Variants in PTPRN2 observed in about 807,000 individuals in gnomAD.
PTPRN2 encodes receptor-type tyrosine-protein phosphatase N2.
In PTPRN2, 74 loss-of-function variants were observed where a neutral mutation model predicts 118.8. That is an observed-to-expected ratio of 0.62 (90% CI 0.52 to 0.76). PTPRN2 has a LOEUF of 0.76. Ranked by LOEUF, PTPRN2 falls within the 30% of genes least tolerant of loss-of-function variation. The pLI is 0.00. For missense variants in PTPRN2, 1,481 were observed against 1,394.4 expected (o/e 1.06, Z -0.99); for synonymous variants, 641 against 608.0 (o/e 1.05, Z -0.80).
chr7:158,171,206 TATATATACACAC>T (rs1380060876), intron 5 of PTPRN2, among the ~76,000 whole-genome samples: 19 of 83,984 alleles, frequency 2.3e-4, no homozygotes, highest in South Asian at 7.5e-4. Flanking sequence ...ATATATACAC[TATATATACACAC>T]ATATATACAC....
At chr7:157,878,300 C>T (rs1223697234) in intron 12 of PTPRN2, among the ~76,000 whole-genome samples, 1 of 151,660 alleles carries the variant, frequency 6.6e-6, no homozygotes, top group Non-Finnish European at 1.5e-5. Flanking sequence ...TGCACCCACA[C>T]TTACTCACCG....
At chr7:157,584,771 G>A (rs1209519472) in intron 17 of PTPRN2, among the ~76,000 whole-genome samples, 1 of 152,252 alleles carries the variant, frequency 6.6e-6, no homozygotes, top group East Asian at 1.9e-4. Flanking sequence ...GCTCACCGAT[G>A]CCTGGAAGTT....
At chr7:157,857,101 G>A (rs954087122) in intron 12 of PTPRN2, among the ~76,000 whole-genome samples, 10 of 150,634 alleles carry the variant, frequency 6.6e-5, no homozygotes, top group South Asian at 2.1e-4. Context: ...CATGGCCATC[G>A]GCATTGCTGG....
chr7:157,759,627 G>A (rs147463918), intron 12 of PTPRN2, among the ~76,000 whole-genome samples: 1,731 of 152,330 alleles, frequency 0.011, 16 homozygotes, highest in Middle Eastern at 0.034. Context: ...TGTCCGGGGC[G>A]GCCTGGCTTT....
chr7:157,872,244 C>CACACCCATACCCAGTGTCCTCCCCAT (rs1811119101), intron 12 of PTPRN2, among the ~76,000 whole-genome samples: 1 of 146,814 alleles, frequency 6.8e-6, no homozygotes, highest in Admixed American at 6.8e-5. Context: ...GTCCTCCCCA[C>CACACCCATACCCAGTGTCCTCCCCAT]ACACACATAT....
intron 12 of PTPRN2, among the ~76,000 whole-genome samples, chr7:157,770,527 A>C (rs866292282): frequency 2.0e-5 from 3 of 152,204 alleles, no homozygotes; most frequent in Non-Finnish European, 4.4e-5. Flanking sequence ...TTTCATTTTC[A>C]TTCAATGGTA....
At chr7:157,582,719 CA>C (rs2150537290) in intron 17 of PTPRN2, among the ~76,000 whole-genome samples, 1 of 151,924 alleles carries the variant, frequency 6.6e-6, no homozygotes, top group Admixed American at 6.6e-5. Flanking sequence ...ACTAAAAATA[CA>C]AAAATTAGCC....
intron 12 of PTPRN2, chr7:157,857,416 C>T (rs1173901427): frequency 2.0e-5 from 3 of 152,260 alleles, no homozygotes; most frequent in African/African-American, 7.2e-5. Flanking sequence ...TGCACAGGCT[C>T]TGCGCTCCTC....
intron 5 of PTPRN2, among the ~76,000 whole-genome samples, chr7:158,177,652 T>C (rs1585750820): frequency 6.6e-6 from 1 of 152,212 alleles, no homozygotes; most frequent in Non-Finnish European, 1.5e-5. Flanking sequence ...AGCTCCTCTT[T>C]TGTCTTTTGG....
At chr7:157,607,364 G>C (rs1802068821) in intron 15 of PTPRN2, among the ~76,000 whole-genome samples, 1 of 152,212 alleles carries the variant, frequency 6.6e-6, no homozygotes, top group South Asian at 2.1e-4. Context: ...ATAAAAGCAG[G>C]GGCTTCTGGC....
chr7:158,203,014 A>G (rs184234590), intron 4 of PTPRN2, among the ~76,000 whole-genome samples: 48 of 152,150 alleles, frequency 3.2e-4, no homozygotes, highest in Non-Finnish European at 5.9e-4. Flanking sequence ...TGGGCGGATC[A>G]TGAGGTCAGG....
At chr7:158,139,792 C>A (rs1355437615) in intron 6 of PTPRN2, among the ~76,000 whole-genome samples, 1 of 152,228 alleles carries the variant, frequency 6.6e-6, no homozygotes, top group East Asian at 1.9e-4. Context: ...GTATTTCATA[C>A]AATGTGCAGA....
At chr7:158,373,319 C>T (rs1180534177) in intron 2 of PTPRN2, among the ~76,000 whole-genome samples, 1 of 152,214 alleles carries the variant, frequency 6.6e-6, no homozygotes, top group Non-Finnish European at 1.5e-5. Flanking sequence ...CTATAATTTG[C>T]TCTTGCCTTT....
At chr7:157,720,041 G>A (rs556535502) in intron 12 of PTPRN2, among the ~76,000 whole-genome samples, 14 of 152,290 alleles carry the variant, frequency 9.2e-5, no homozygotes, top group Non-Finnish European at 1.8e-4. Flanking sequence ...GACTCCAATC[G>A]ACTGGAAAAT....
chr7:157,671,852 G>A lies in PTPRN2; in HGVS notation c.2001+10873C>T, dbSNP rs1168103321. Among the ~76,000 whole-genome samples the A allele has an allele frequency of 6.6e-6, 1 of 152,144 alleles. No homozygotes were observed. Among genetic ancestry groups the A allele is most frequent in the Non-Finnish European group, 1.5e-5 (1 of 68,024 alleles). ...AAGGCCAGGGTCTGGGGGCCTGCTG[G>A]GAATCCCGGTCTCAGAGGTCTCAGC... is the stretch of plus-strand genomic sequence containing the variant. On this transcript the variant is annotated intron_variant, in intron 13 of 22. Coordinates refer to ENST00000389418, the MANE Select transcript of PTPRN2 (RefSeq NM_002847.5). The surrounding 1 kb of genome is among the most constrained non-coding windows in gnomAD (Gnocchi z 4.1).
intron 2 of PTPRN2, among the ~76,000 whole-genome samples, chr7:158,422,500 G>A (rs1400398399): frequency 6.6e-6 from 1 of 152,196 alleles, no homozygotes; most frequent in Non-Finnish European, 1.5e-5. Context: ...CTCAAAGAAA[G>A]TAAAATAAAA....
rs992260186 is a variant in PTPRN2, at chr7:158,486,100, C to T, written c.163+3635G>A. On this transcript the variant is annotated intron_variant, in intron 2 of 22. Transcript: ENST00000389418. Reference sequence around the variant, plus strand: ...CACCACTGCAGAGAGCAGCTTTGTGCTTCAAGTTTTCTTTAGTATTTTGGG... The same window carrying T: ...CACCACTGCAGAGAGCAGCTTTGTGTTTCAAGTTTTCTTTAGTATTTTGGG... 8.9e-4 allele frequency among the ~76,000 whole-genome samples: 136 copies of T among 152,202 alleles called. 1 individual carries two copies. The highest frequency in any genetic ancestry group is 7.9e-4 in the Non-Finnish European group (54 of 68,044).
chr7:157,935,644 A>G (rs1799651338), intron 11 of PTPRN2, among the ~76,000 whole-genome samples: 1 of 152,228 alleles, frequency 6.6e-6, no homozygotes, highest in Non-Finnish European at 1.5e-5. Flanking sequence ...TATGGGTCCT[A>G]ATGTCCTGTT....
At chr7:158,294,556 C>T (rs1800332875) in intron 3 of PTPRN2, among the ~76,000 whole-genome samples, 1 of 152,212 alleles carries the variant, frequency 6.6e-6, no homozygotes, top group East Asian at 1.9e-4. Context: ...AGCTCCTCAA[C>T]TGATATCCCT....
Sources: allele counts gnomAD v4.1 joint callset (sites outside exome capture counted in the v4.1 genomes callset), GRCh38; gene constraint gnomAD v4.1.1; non-coding constraint Gnocchi (gnomAD v3.1); transcripts MANE v1.5; gene names NCBI Gene and HGNC (gene_info 2026-07-23, HGNC 2026-07-21).